Variants in ECE1 observed in about 807,000 individuals in gnomAD.
ECE1 encodes the protein endothelin-converting enzyme 1.
A neutral mutation model predicts 98.6 loss-of-function variants in ECE1; 35 were observed. The ratio of observed to expected loss-of-function variants is 0.35; its 90% CI spans 0.27 to 0.47. ECE1 has a LOEUF of 0.47. ECE1 is among the 20% of genes least tolerant of loss of function. The pLI, the probability that ECE1 is intolerant of heterozygous loss-of-function variation, is 1.00. For missense variants in ECE1, 814 were observed against 1,025.3 expected, an observed-to-expected ratio of 0.79 and a Z score of 2.81; for synonymous variants, 394 against 407.1, an observed-to-expected ratio of 0.97 and a Z score of 0.39.
rs763107720 is a variant in ECE1 at position 21,290,058 on chromosome 1, G to C, written c.138+12C>G. 36 of 1,463,920 alleles carry C rather than the reference G, an allele frequency of 2.5e-5. No homozygotes were observed. The highest frequency in any genetic ancestry group is 3.2e-5 in the Non-Finnish European group (35 of 1,099,744). 90.7% of individuals were successfully genotyped at this position (1,463,920 alleles called of 1,614,324 possible). On this transcript the variant is annotated intron_variant, in intron 2 of 18. Coordinates refer to ENST00000374893, the MANE Select transcript of ECE1 (RefSeq NM_001397.3). This position sits in a 1 kb window ranked among gnomAD's most constrained non-coding sequence, Gnocchi z 7.3. Reference sequence around the variant, plus strand: ...GGCGCCTGGACCTCGGGAGGGAGCGGAGGGCGCCTACCTGCAGGCCGTTGG... The same window carrying C: ...GGCGCCTGGACCTCGGGAGGGAGCGCAGGGCGCCTACCTGCAGGCCGTTGG...
intron 17 of ECE1, among the ~76,000 whole-genome samples, chr1:21,224,536 G>C (rs2098171296): frequency 6.6e-6 from 1 of 152,116 alleles, no homozygotes; most frequent in Admixed American, 6.6e-5. Context: ...TTGTAAAGCT[G>C]CTGGGAATAC....
intron 1 of ECE1, among the ~76,000 whole-genome samples, chr1:21,313,597 A>G (rs1287626345): frequency 1.3e-5 from 2 of 152,162 alleles, no homozygotes; most frequent in African/African-American, 2.4e-5. Flanking sequence ...CCAGGCTCAG[A>G]TCCAATGAGA....
rs780387023 is a variant in ECE1, at chr1:21,233,742, T to G, written c.1567-81A>C. 5.1e-4 allele frequency: 686 copies of G among 1,339,496 alleles called. 1 individual carries two copies. The highest frequency in any genetic ancestry group is 6.6e-4 in the Non-Finnish European group (625 of 941,860). The allele number at this position is 1,339,496 out of a possible 1,614,324, so 83.0% of individuals were successfully genotyped here. On this transcript the variant is annotated intron_variant, in intron 13 of 18. Transcript: ENST00000374893. The surrounding 1 kb of genome is among the most constrained non-coding windows in gnomAD (Gnocchi z 4.0). Reference sequence around the variant, plus strand: ...CAAGACAGGAAGCCAAGGGCTGTCATGGTTAAGAGATTAATCTGCAGGCTG... The same window carrying G: ...CAAGACAGGAAGCCAAGGGCTGTCAGGGTTAAGAGATTAATCTGCAGGCTG...
At chr1:21,332,231 G>A (rs1240165289) in intron 1 of ECE1, among the ~76,000 whole-genome samples, 1 of 151,978 alleles carries the variant, frequency 6.6e-6, no homozygotes, top group Non-Finnish European at 1.5e-5. Context: ...CAATGCCATA[G>A]TACAAACCCC....
At chr1:21,268,112 G>C (rs2098236153) in intron 4 of ECE1, among the ~76,000 whole-genome samples, 1 of 152,206 alleles carries the variant, frequency 6.6e-6, no homozygotes, top group African/African-American at 2.4e-5. Context: ...CTCAAGCCTA[G>C]AGAGGCCCTT....
intron 7 of ECE1, among the ~76,000 whole-genome samples, chr1:21,257,123 A>G (rs898630581): frequency 6.6e-6 from 1 of 152,176 alleles, no homozygotes; most frequent in African/African-American, 2.4e-5. Context: ...CAGATCACTT[A>G]GCATCTCTGA....
chr1:21,324,952 G>A (rs1569762205), intron 1 of ECE1, among the ~76,000 whole-genome samples: 1 of 152,214 alleles, frequency 6.6e-6, no homozygotes, highest in Non-Finnish European at 1.5e-5. Context: ...CACAAATCAC[G>A]AAAGAAGGAG....
At chr1:21,281,365 G>A (rs965943819) in intron 2 of ECE1, among the ~76,000 whole-genome samples, 1 of 152,180 alleles carries the variant, frequency 6.6e-6, no homozygotes, top group African/African-American at 2.4e-5. Context: ...AGTGAGCAAT[G>A]AAAGTTTCAG....
chr1:21,326,121 C>T (rs1025062098), intron 1 of ECE1, among the ~76,000 whole-genome samples: 2 of 152,126 alleles, frequency 1.3e-5, no homozygotes, highest in East Asian at 3.9e-4. Context: ...CCTCTCAGCC[C>T]CCATCCTTCT....
chr1:21,321,691 C>CT (rs1299091157), intron 1 of ECE1, among the ~76,000 whole-genome samples: 13 of 152,208 alleles, frequency 8.5e-5, no homozygotes, highest in Non-Finnish European at 1.8e-4. Context: ...TCTCGGCTCA[C>CT]TGCAACCTCT....
chr1:21,278,498 G>A (rs2098250163), intron 3 of ECE1, among the ~76,000 whole-genome samples: 1 of 152,226 alleles, frequency 6.6e-6, no homozygotes, highest in Admixed American at 6.5e-5. Context: ...AAGGGAGGTG[G>A]AGCCTGGGCT....
chr1:21,323,095 G>A (rs570129039), intron 1 of ECE1, among the ~76,000 whole-genome samples: 1 of 152,276 alleles, frequency 6.6e-6, no homozygotes, highest in East Asian at 1.9e-4. Flanking sequence ...TGCCAATTCT[G>A]CATTCTGCTC....
At chr1:21,311,940 T>C (rs148658430) in intron 1 of ECE1, among the ~76,000 whole-genome samples, 1 of 147,478 alleles carries the variant, frequency 6.8e-6, no homozygotes, top group East Asian at 2.0e-4. Context: ...CCTGGCCAAA[T>C]GGTGAAACCC....
At chr1:21,283,750 G>A (rs979773814) in intron 2 of ECE1, among the ~76,000 whole-genome samples, 1 of 152,180 alleles carries the variant, frequency 6.6e-6, no homozygotes, top group Admixed American at 6.5e-5. Flanking sequence ...GATGCAAAGT[G>A]CTGAATCTAA....
At chr1:21,330,238 T>C (rs1639171986) in intron 1 of ECE1, among the ~76,000 whole-genome samples, 1 of 126,036 alleles carries the variant, frequency 7.9e-6, no homozygotes, top group African/African-American at 3.2e-5. Context: ...TTTTTTTTTT[T>C]TTTTTTTTTT....
chr1:21,304,619 G>A (rs561488540), intron 1 of ECE1, among the ~76,000 whole-genome samples: 1 of 152,288 alleles, frequency 6.6e-6, no homozygotes, highest in East Asian at 1.9e-4. Flanking sequence ...GCCATATGGC[G>A]ACAGACATCA....
At chr1:21,325,486 T>C (rs992434782) in intron 1 of ECE1, among the ~76,000 whole-genome samples, 2 of 152,200 alleles carry the variant, frequency 1.3e-5, no homozygotes, top group South Asian at 2.1e-4. Context: ...CCTCTTTTGC[T>C]GGCCTCCTCC....
At chr1:21,337,903 C>A (rs1203911922) in intron 1 of ECE1, among the ~76,000 whole-genome samples, 3 of 152,250 alleles carry the variant, frequency 2.0e-5, no homozygotes, top group Non-Finnish European at 2.9e-5. Context: ...CTCTCCTCCC[C>A]ACACTGCCTG....
intron 1 of ECE1, among the ~76,000 whole-genome samples, chr1:21,304,167 T>C (rs1638545909): frequency 6.7e-6 from 1 of 150,278 alleles, no homozygotes; most frequent in Non-Finnish European, 1.5e-5. Context: ...ATACAAAAAA[T>C]TAGCCAGGTG....
Sources: allele counts gnomAD v4.1 joint callset (sites outside exome capture counted in the v4.1 genomes callset), GRCh38; gene constraint gnomAD v4.1.1; non-coding constraint Gnocchi (gnomAD v3.1); transcripts MANE v1.5; gene names NCBI Gene and HGNC (gene_info 2026-07-23, HGNC 2026-07-21).